HSPG2: variants seen among roughly 807,000 people sequenced by gnomAD.
HSPG2 encodes the protein heparan sulfate proteoglycan 2, also known as basement membrane-specific heparan sulfate proteoglycan core protein.
Under a neutral mutation model 526.6 loss-of-function variants are expected in HSPG2, and 278 were observed. The ratio of observed to expected loss-of-function variants is 0.53; its 90% CI spans 0.48 to 0.58. The LOEUF is 0.58. Among genes scored for constraint, HSPG2 ranks in the 20% least tolerant of loss-of-function variants. The probability of loss-of-function intolerance (pLI) is 0.00; values close to 1 mark genes in which losing one functional copy is unlikely to be tolerated. For synonymous variants in HSPG2, 2,465 were observed against 2,555.4 expected (o/e 0.96, Z 1.07); for missense variants, 5,354 against 6,099.5 (o/e 0.88, Z 4.07).
At chr1:21,894,054 C>T (rs969816637) in intron 3 of HSPG2, among the ~76,000 whole-genome samples, 2 of 151,940 alleles carry the variant, frequency 1.3e-5, no homozygotes, top group South Asian at 2.1e-4. Context: ...CACACACAGA[C>T]ATGCCGACAA....
Position 21,876,151 on chromosome 1 carries a change from G to T in HSPG2, c.3003+78C>A, listed in dbSNP as rs771119544. On this transcript the variant is annotated intron_variant, in intron 23 of 96. Coordinates refer to ENST00000374695, the MANE Select transcript of HSPG2 (RefSeq NM_005529.7). ...TCTCACTATTCTCCCAAGGCACCACGACCCTCCCGCCTCCAAGCCTTTGCC... is the reference window on the plus strand; with the variant it reads ...TCTCACTATTCTCCCAAGGCACCACTACCCTCCCGCCTCCAAGCCTTTGCC... 1.9e-6 allele frequency: 3 copies of T among 1,563,594 alleles called. No individual in the cohort carries two copies. The East Asian group carries it at 7.0e-5, about 37-fold the overall frequency.
chr1:21,885,289 G>A, intron 10 of HSPG2, 31 bp downstream of exon 10: 1 of 1,613,594 alleles, frequency 6.2e-7, no homozygotes. Context: ...CCAGCCCAGG[G>A]CCCGCATCTC....
chr1:21,895,994 C>T lies in HSPG2; in HGVS notation c.200-28G>A. ...ATAAGCAAAAAAGAGATGTAATCAGCAACAACAAGTATTTGTTGAGTACCT... is the reference window on the plus strand; with the variant it reads ...ATAAGCAAAAAAGAGATGTAATCAGTAACAACAAGTATTTGTTGAGTACCT... On this transcript the variant is annotated intron_variant, in intron 2 of 96. Transcript: ENST00000374695. This position sits in a 1 kb window ranked among gnomAD's most constrained non-coding sequence, Gnocchi z 4.1. 4 of 1,612,978 alleles carry T rather than the reference C, an allele frequency of 2.5e-6. No homozygotes were observed. Among genetic ancestry groups the T allele is most frequent in the Non-Finnish European group, 8.5e-7 (1 of 1,179,146 alleles).
Position 21,878,254 on chromosome 1 carries a change from C to A in HSPG2, c.2618-1G>T. The stretch of plus-strand genomic sequence containing the variant: ...TCGTCACAGCGCACAATCTCCTGGT[C>A]TGGGACACAAAACGAGTGTTGGCAG... On this transcript the variant is annotated splice_acceptor_variant, in intron 20 of 96. Transcript: ENST00000374695. LOFTEE classifies it high-confidence loss of function. 1.2e-6 allele frequency: 2 copies of A among 1,613,996 alleles called. No individual in the cohort carries two copies. Among genetic ancestry groups the A allele is most frequent in the Non-Finnish European group, 1.7e-6 (2 of 1,180,002 alleles).
In HSPG2 at chr1:21,846,178, G is replaced by A. The variant is rs761633038; in HGVS notation, c.8394C>T (p.Ser2798=). The A allele has an allele frequency of 4.3e-6, 7 of 1,612,994 alleles. No individual in the cohort carries two copies. Among genetic ancestry groups the A allele is most frequent in the Non-Finnish European group, 5.9e-6 (7 of 1,180,028 alleles). The change falls in exon 64 of 97, where the codon AGC becomes AGT. Residue 2798 remains serine (S), a synonymous_variant. Transcript: ENST00000374695. ...SGEYVCRVMG[S]SGPLEASVLV... ...GGACTGAGGCCTCCAGGGGGCCAGA[G>A]CTGCCCATCACCCGGCACACGTATT...
intron 1 of HSPG2, among the ~76,000 whole-genome samples, chr1:21,913,303 C>T (rs1442399769): frequency 1.3e-5 from 2 of 152,174 alleles, no homozygotes; most frequent in Admixed American, 1.3e-4. Context: ...CTGGTCCCTC[C>T]AGCCTGTCTT....
rs1439126431 is a variant in HSPG2 at position 21,822,963 on chromosome 1, GC to G, written c.*352del. 9.5e-6 allele frequency: 2 copies of G among 211,622 alleles called. No individual in the cohort carries two copies. The highest frequency in any genetic ancestry group is 4.7e-5 in the African/African-American group (2 of 42,998). The allele number at this position is 211,622 out of a possible 1,614,324, so 13.1% of individuals were successfully genotyped here. On this transcript the variant is annotated 3_prime_UTR_variant, in exon 97 of 97. Coordinates refer to ENST00000374695, the MANE Select transcript of HSPG2 (RefSeq NM_005529.7). The stretch of plus-strand genomic sequence containing the variant: ...GTTGGCTCTCCTAGGAGTGAGAACT[GC>G]CCAAGGGCTGCAGAAACAGGCCACC...
At chr1:21,891,073 T>C (rs2501259) in intron 3 of HSPG2, among the ~76,000 whole-genome samples, 149,705 of 152,332 alleles carry the variant, frequency 0.98, 73,614 homozygotes, top group Middle Eastern at 1. Flanking sequence ...CCTTCCTCGG[T>C]CAGTTCCTAC....
intron 1 of HSPG2, among the ~76,000 whole-genome samples, chr1:21,933,692 G>C (rs1383624279): frequency 6.6e-6 from 1 of 152,248 alleles, no homozygotes; most frequent in Non-Finnish European, 1.5e-5. Context: ...CTAAGGGATG[G>C]GGGGGTGGTC....
chr1:21,862,133 G>T lies in HSPG2; in HGVS notation c.4741-18C>A. 1 of 1,610,456 alleles carries T rather than the reference G, an allele frequency of 6.2e-7. No individual in the cohort carries two copies. On this transcript the variant is annotated intron_variant, in intron 37 of 96. Coordinates refer to ENST00000374695, the MANE Select transcript of HSPG2 (RefSeq NM_005529.7). Reference sequence around the variant, plus strand: ...TGGCATTGCTGCAGGGCACAAGGAGGGCAGGCACCAGCCATTAGGCCAAAT... The same window carrying T: ...TGGCATTGCTGCAGGGCACAAGGAGTGCAGGCACCAGCCATTAGGCCAAAT...
chr1:21,931,008 G>C (rs1644332872), intron 1 of HSPG2, among the ~76,000 whole-genome samples: 1 of 152,180 alleles, frequency 6.6e-6, no homozygotes, highest in Non-Finnish European at 1.5e-5. Flanking sequence ...CTGGTCCTAA[G>C]GCTATCTCAG....
chr1:21,875,764 A>C lies in HSPG2; in HGVS notation c.3184-17T>G. ...CCATGCTTGCTGCCAAGGAGAGGAC[A>C]CATGTGCTCAGCCCCTGACGTCCTG... On this transcript the variant is annotated splice_polypyrimidine_tract_variant and intron_variant, in intron 24 of 96. Coordinates refer to ENST00000374695, the MANE Select transcript of HSPG2 (RefSeq NM_005529.7). 6.2e-7 allele frequency: 1 copy of C among 1,605,652 alleles called. No individual in the cohort carries two copies. The highest frequency in any genetic ancestry group is 1.1e-5 in the South Asian group (1 of 91,048).
chr1:21,899,867 C>T (rs1642995810), intron 1 of HSPG2, among the ~76,000 whole-genome samples: 1 of 152,216 alleles, frequency 6.6e-6, no homozygotes, highest in Non-Finnish European at 1.5e-5. Flanking sequence ...CAGGGCTGGA[C>T]CTCTGGGCTG....
intron 1 of HSPG2, among the ~76,000 whole-genome samples, chr1:21,899,034 AAG>A (rs1198937741): frequency 6.6e-6 from 1 of 152,130 alleles, no homozygotes; most frequent in East Asian, 1.9e-4. Context: ...GGAGAGGGGA[AAG>A]AGAGGCCAGA....
chr1:21,855,683 G>A lies in HSPG2; in HGVS notation c.5702-8C>T. ...GCTGGCCGCCGGGGCCCCCTGACGA[G>A]TAGACGTGGGGTCAGCACCCACCAA... On this transcript the variant is annotated splice_polypyrimidine_tract_variant and splice_region_variant and intron_variant, in intron 45 of 96. Coordinates refer to ENST00000374695, the MANE Select transcript of HSPG2 (RefSeq NM_005529.7). The A allele has an allele frequency of 6.3e-7, 1 of 1,580,220 alleles. No homozygotes were observed. The highest frequency in any genetic ancestry group is 8.6e-7 in the Non-Finnish European group (1 of 1,165,518).
intron 65 of HSPG2, among the ~76,000 whole-genome samples, chr1:21,843,799 A>T (rs79883030): frequency 0.059 from 8,954 of 152,196 alleles, 546 homozygotes; most frequent in African/African-American, 0.16. Context: ...GGCATCTGCC[A>T]CCATGCCTGG....
intron 26 of HSPG2, 69 bp downstream of exon 26, chr1:21,874,822 G>C (rs947246799): frequency 3.3e-6 from 5 of 1,512,982 alleles, no homozygotes; most frequent in Admixed American, 3.7e-5. Context: ...GGTGTGGAGG[G>C]CTCATGGAGA....
intron 37 of HSPG2, among the ~76,000 whole-genome samples, chr1:21,862,645 G>A (rs1639885333): frequency 6.6e-6 from 1 of 151,386 alleles, no homozygotes; most frequent in South Asian, 2.1e-4. Flanking sequence ...CCATGAATAG[G>A]GAATTGGATA....
chr1:21,872,560 T>G lies in HSPG2; in HGVS notation c.4029+60A>C. On this transcript the variant is annotated intron_variant, in intron 32 of 96. Transcript: ENST00000374695. This position sits in a 1 kb window ranked among gnomAD's most constrained non-coding sequence, Gnocchi z 5.5. ...AGGGTCGCTGGGCTCAGTGCTCAGA[T>G]GGACAGTAACAGGCAGCAGGTGGCA... is the stretch of plus-strand genomic sequence containing the variant. 1 of 1,548,704 alleles carries G rather than the reference T, an allele frequency of 6.5e-7. No homozygotes were observed. Among genetic ancestry groups the G allele is most frequent in the Admixed American group, 2.0e-5 (1 of 51,140 alleles).
Sources: gnomAD v4.1 joint callset for allele counts (sites outside exome capture counted in the v4.1 genomes callset) on GRCh38, gnomAD v4.1.1 for gene constraint, Gnocchi (gnomAD v3.1) non-coding constraint, MANE v1.5 for transcripts, NCBI Gene and HGNC (gene_info 2026-07-23, HGNC 2026-07-21) for gene names.